Variants in TICRR observed in about 807,000 individuals in gnomAD.
The protein encoded by TICRR is treslin.
A neutral mutation model predicts 178.1 loss-of-function variants in TICRR; 132 were observed. The ratio of observed to expected loss-of-function variants is 0.74; its 90% CI spans 0.64 to 0.86. The LOEUF (loss-of-function observed/expected upper bound fraction) is 0.86. Among genes scored for constraint, TICRR ranks in the 40% least tolerant of loss-of-function variants. TICRR has a pLI of 0.00. For synonymous variants in TICRR, 991 were observed against 900.7 expected, an observed-to-expected ratio of 1.10 and a Z score of -1.79; for missense variants, 2,587 against 2,334.3, an observed-to-expected ratio of 1.11 and a Z score of -2.23.
At chr15:89,581,568 A>G (rs1962725853) in intron 1 of TICRR, among the ~76,000 whole-genome samples, 1 of 152,228 alleles carries the variant, frequency 6.6e-6, no homozygotes, top group African/African-American at 2.4e-5. Flanking sequence ...GGAAATAGAA[A>G]TCAGCAAAAA....
At chr15:89,605,423 C>T (rs928331178) in intron 13 of TICRR, among the ~76,000 whole-genome samples, 3 of 152,296 alleles carry the variant, frequency 2.0e-5, no homozygotes, top group Non-Finnish European at 1.5e-5. Context: ...GGCTGGAGTG[C>T]AGTGGCACGA....
rs141507566 is a variant in TICRR at position 89,603,270 on chromosome 15, A to T, written c.2664+378A>T. Among the ~76,000 whole-genome samples, 121 of 152,314 alleles carry T rather than the reference A, an allele frequency of 7.9e-4. 6 individuals carry two copies. The East Asian group carries it at 0.014, about 17-fold the overall frequency. On this transcript the variant is annotated intron_variant, in intron 13 of 21. Transcript: ENST00000268138. The stretch of plus-strand genomic sequence containing the variant: ...ACCAGAAGGTGCTTTTCAATATGTT[A>T]TATTTTACTTTAATAACAAATTTAG...
At chr15:89,596,459 G>A (rs576723254) in intron 7 of TICRR, among the ~76,000 whole-genome samples, 6 of 152,210 alleles carry the variant, frequency 3.9e-5, no homozygotes, top group African/African-American at 1.2e-4. Flanking sequence ...CGATTCTCCT[G>A]TCTCAGCCTC....
In TICRR at chr15:89,596,291, C is replaced by T. The variant is rs1962997379; in HGVS notation, c.1900+680C>T. 8.5e-5 allele frequency among the ~76,000 whole-genome samples: 13 copies of T among 152,198 alleles called. No homozygotes were observed. In the South Asian group the frequency reaches 2.7e-3, roughly 32 times the overall value. On this transcript the variant is annotated intron_variant, in intron 7 of 21. Transcript: ENST00000268138. The stretch of plus-strand genomic sequence containing the variant: ...TTTTTAATATTTATGCCTTCCATCT[C>T]TCTCTCTTTAATTGCTCAATCTTGC...
Position 89,585,806 on chromosome 15 carries a change from G to A in TICRR, c.1275G>A (p.Lys425=). ...TGATCCTCACTGTGTGCCGCACCAA[G>A]GAGGCTGAATTTCAACGACATGTTC... ...SAMILTVCRT[K]EAEFQRHVLQ... The change falls in exon 4 of 22, where the codon AAG becomes AAA. Residue 425 remains lysine, a synonymous_variant. Coordinates refer to ENST00000268138, the MANE Select transcript of TICRR (RefSeq NM_152259.4). 2 of 1,614,140 alleles carry A rather than the reference G, an allele frequency of 1.2e-6. No homozygotes were observed. The highest frequency in any genetic ancestry group is 8.5e-7 in the Non-Finnish European group (1 of 1,180,028).
intron 1 of TICRR, among the ~76,000 whole-genome samples, chr15:89,581,320 G>T (rs1386135934): frequency 6.6e-6 from 1 of 152,186 alleles, no homozygotes; most frequent in African/African-American, 2.4e-5. Context: ...TTGTTATACT[G>T]TGATGCCACG....
At chr15:89,603,012 T>C (rs1043031411) in intron 13 of TICRR, 120 bp downstream of exon 13, 16 of 439,460 alleles carry the variant, frequency 3.6e-5, no homozygotes, top group African/African-American at 3.1e-4. Flanking sequence ...TTTATGAATG[T>C]GTATAAAACT....
rs745930616 is a variant in TICRR at position 89,576,278 on chromosome 15, G to C, written c.654+38G>C. 3 of 1,496,104 alleles carry C rather than the reference G, an allele frequency of 2.0e-6. No individual in the cohort carries two copies. In the South Asian group the frequency reaches 4.0e-5, roughly 20 times the overall value. 92.7% of individuals were successfully genotyped at this position (1,496,104 alleles called of 1,614,324 possible). A position where few individuals can be genotyped will look rare whatever the true frequency, so the allele number is the denominator to read the frequency against. ...ACTGTCGTCTCAGATGGCGTGCACG[G>C]TGCTTTCCTTGCTAACCAGAACTTG... On this transcript the variant is annotated intron_variant, in intron 1 of 21. Transcript: ENST00000268138.
At position 89,616,505 on chromosome 15, in the gene TICRR, A is replaced by G. The variant is rs567117375; in HGVS notation, c.2960+10A>G. The G allele has an allele frequency of 1.2e-6, 2 of 1,612,894 alleles. No individual in the cohort carries two copies. Among genetic ancestry groups the G allele is most frequent in the African/African-American group, 2.7e-5 (2 of 75,048 alleles). ...GACAAATCAAGGGCAGGTGAGTGAC[A>G]TCCCCATCCGGGCTTCTTCATACAC... On this transcript the variant is annotated intron_variant, in intron 16 of 21. Transcript: ENST00000268138.
intron 1 of TICRR, among the ~76,000 whole-genome samples, chr15:89,579,296 C>T (rs769322624): frequency 4.6e-5 from 7 of 152,118 alleles, no homozygotes; most frequent in Non-Finnish European, 7.4e-5. Flanking sequence ...TCCTATAATA[C>T]GCATACGAGT....
chr15:89,577,744 G>T (rs1962651151), intron 1 of TICRR, among the ~76,000 whole-genome samples: 1 of 151,366 alleles, frequency 6.6e-6, no homozygotes, highest in South Asian at 2.1e-4. Flanking sequence ...AAGTAGCTGG[G>T]ATTATAAGCG....
intron 15 of TICRR, among the ~76,000 whole-genome samples, chr15:89,614,166 A>G (rs560179812): frequency 9.9e-5 from 15 of 152,152 alleles, no homozygotes; most frequent in African/African-American, 3.1e-4. Flanking sequence ...AAATAAATAA[A>G]TAAATAAATA....
intron 2 of TICRR, among the ~76,000 whole-genome samples, chr15:89,583,303 G>A (rs1037184891): frequency 5.3e-5 from 8 of 152,152 alleles, no homozygotes; most frequent in Non-Finnish European, 1.2e-4. Context: ...ATAAATTGAA[G>A]ACCATAGAGA....
chr15:89,584,162 G>A, intron 2 of TICRR, 124 bp from the exon 3 acceptor site: 1 of 1,007,450 alleles, frequency 9.9e-7, no homozygotes, highest in South Asian at 1.9e-5. Context: ...TATCTCAATT[G>A]ACAACTTGAT....
chr15:89,607,648 T>C (rs4545793), intron 14 of TICRR, among the ~76,000 whole-genome samples: 2 of 152,122 alleles, frequency 1.3e-5, no homozygotes, highest in Non-Finnish European at 2.9e-5. Context: ...GTGTGTGTTA[T>C]TGATGTCCTT....
At chr15:89,626,109 G>C in intron 21 of TICRR, 48 bp downstream of exon 21, 2 of 1,596,710 alleles carry the variant, frequency 1.3e-6, no homozygotes, top group Non-Finnish European at 1.7e-6. Flanking sequence ...CAGACTGTCT[G>C]AATTCACCAG....
chr15:89,600,502 A>G lies in TICRR; in HGVS notation c.2053-83A>G, dbSNP rs115656694. On this transcript the variant is annotated intron_variant, in intron 8 of 21. Coordinates refer to ENST00000268138, the MANE Select transcript of TICRR (RefSeq NM_152259.4). Reference sequence around the variant, plus strand: ...AATAGAGAAGTTTATAAGGGAATATATTTCCCTTTAGTCAACTGTGAAAGA... The same window carrying G: ...AATAGAGAAGTTTATAAGGGAATATGTTTCCCTTTAGTCAACTGTGAAAGA... The G allele has an allele frequency of 2.7e-3, 1,595 of 580,254 alleles. 17 individuals are homozygous for G. Among genetic ancestry groups the G allele is most frequent in the African/African-American group, 0.019 (989 of 51,932 alleles). The allele number at this position is 580,254 out of a possible 1,614,324, so 35.9% of individuals were successfully genotyped here. A position where few individuals can be genotyped will look rare whatever the true frequency, so the allele number is the denominator to read the frequency against.
At chr15:89,603,068 A>G (rs1476149112) in intron 13 of TICRR, among the ~76,000 whole-genome samples, 176 bp downstream of exon 13, 1 of 152,126 alleles carries the variant, frequency 6.6e-6, no homozygotes, top group African/African-American at 2.4e-5. Context: ...GAGATTAACA[A>G]TTTTACTCAA....
chr15:89,615,559 A>G (rs1366601315), intron 15 of TICRR, among the ~76,000 whole-genome samples: 1 of 152,056 alleles, frequency 6.6e-6, no homozygotes, highest in East Asian at 1.9e-4. Flanking sequence ...ATTTTTGACC[A>G]TTTTTCCCAG....
Sources: gnomAD v4.1 joint callset for allele counts (sites outside exome capture counted in the v4.1 genomes callset) on GRCh38, gnomAD v4.1.1 for gene constraint, MANE v1.5 for transcripts, NCBI Gene and HGNC (gene_info 2026-07-23, HGNC 2026-07-21) for gene names.